Variants in ATXN10 observed in about 807,000 individuals in gnomAD.
ATXN10 encodes the protein ataxin-10.
ATXN10 carries 28 observed loss-of-function variants against 52.9 expected under a neutral mutation model. The ratio of observed to expected loss-of-function variants is 0.53; its 90% CI spans 0.39 to 0.73. The LOEUF (loss-of-function observed/expected upper bound fraction) is 0.73, where lower values mean the gene tolerates loss of function less well. Ranked by LOEUF, ATXN10 falls within the 30% of genes least tolerant of loss-of-function variation. The pLI, the probability that ATXN10 is intolerant of heterozygous loss-of-function variation, is 0.00. For missense variants in ATXN10, 565 were observed against 577.0 expected, an observed-to-expected ratio of 0.98 and a Z score of 0.21; for synonymous variants, 226 against 221.5, an observed-to-expected ratio of 1.02 and a Z score of -0.18.
rs1475372569 is a variant in ATXN10, at chr22:45,763,584, G to GC, written c.1173+23052dup. ...CCTGTTAAAAGTCGGACCCCACCACGCCCCCCACCTCTCTGTCCCTGCTCT... is the reference window on the plus strand; with the variant it reads ...CCTGTTAAAAGTCGGACCCCACCACGCCCCCCCACCTCTCTGTCCCTGCTCT... On this transcript the variant is annotated intron_variant, in intron 9 of 11. Transcript: ENST00000252934. The surrounding 1 kb of genome is among the most constrained non-coding windows in gnomAD (Gnocchi z 6.9). Among the ~76,000 whole-genome samples the GC allele has an allele frequency of 6.6e-6, 1 of 151,814 alleles. No homozygotes were observed. The highest frequency in any genetic ancestry group is 1.5e-5 in the Non-Finnish European group (1 of 67,948).
At chr22:45,673,114 G>A (rs992514050) in intron 1 of ATXN10, 8 of 152,158 alleles carry the variant, frequency 5.3e-5, no homozygotes, top group Admixed American at 3.9e-4. Context: ...TAAATCCTTA[G>A]GACATACCTG....
chr22:45,803,279 C>T (rs1264627845), intron 9 of ATXN10, among the ~76,000 whole-genome samples: 3 of 152,204 alleles, frequency 2.0e-5, no homozygotes, highest in African/African-American at 2.4e-5. Flanking sequence ...ATCCCTATGC[C>T]GCACTGCCTC....
chr22:45,758,203 G>A (rs578247869), intron 9 of ATXN10, among the ~76,000 whole-genome samples: 5 of 152,244 alleles, frequency 3.3e-5, no homozygotes, highest in Non-Finnish European at 5.9e-5. Flanking sequence ...CGTGTCCCTC[G>A]GCTGTGGAGC....
chr22:45,830,072 G>A (rs1021100346), intron 10 of ATXN10, among the ~76,000 whole-genome samples: 1 of 152,200 alleles, frequency 6.6e-6, no homozygotes, highest in African/African-American at 2.4e-5. Flanking sequence ...CTCCACAAAT[G>A]TAGTCAAATG....
chr22:45,706,648 T>C (rs181624641), intron 5 of ATXN10, among the ~76,000 whole-genome samples: 42 of 152,400 alleles, frequency 2.8e-4, no homozygotes, highest in Non-Finnish European at 4.7e-4. Flanking sequence ...CCAATTTCCT[T>C]TGTGACCTAT....
intron 9 of ATXN10, among the ~76,000 whole-genome samples, chr22:45,761,539 G>A (rs1601630130): frequency 6.6e-6 from 1 of 152,216 alleles, no homozygotes; most frequent in Non-Finnish European, 1.5e-5. Context: ...AAGACTAGGT[G>A]ATAACTGGTT....
At chr22:45,811,121 T>C (rs1169225462) in intron 10 of ATXN10, among the ~76,000 whole-genome samples, 1 of 152,218 alleles carries the variant, frequency 6.6e-6, no homozygotes, top group East Asian at 1.9e-4. Flanking sequence ...TGTCAACCTT[T>C]GATTATGGAT....
rs5845725 is a variant in ATXN10, at chr22:45,684,137, G to GTTT, written c.117-5563_117-5561dup. Among the ~76,000 whole-genome samples, 1 of 137,362 alleles carries GTTT rather than the reference G, an allele frequency of 7.3e-6. No individual in the cohort carries two copies. Among genetic ancestry groups the GTTT allele is most frequent in the East Asian group, 2.1e-4 (1 of 4,818 alleles). 90.1% of individuals were successfully genotyped at this position (137,362 alleles called of 152,430 possible). Reference sequence around the variant, plus strand: ...CCAGCTAATTAAAACAAGTTTTTTTGTTTTTTTTTTTTTTGTAGAGATAGG... The same window carrying GTTT: ...CCAGCTAATTAAAACAAGTTTTTTTGTTTTTTTTTTTTTTTTTGTAGAGATAGG... On this transcript the variant is annotated intron_variant, in intron 1 of 11. Transcript: ENST00000252934. This position sits in a 1 kb window ranked among gnomAD's most constrained non-coding sequence, Gnocchi z 4.1.
intron 10 of ATXN10, among the ~76,000 whole-genome samples, chr22:45,821,320 T>C (rs1815851535): frequency 7.1e-6 from 1 of 141,016 alleles, no homozygotes; most frequent in South Asian, 2.4e-4. Context: ...GAGAGCAGCC[T>C]GGGCAACTTA....
Position 45,843,839 on chromosome 22 carries a change from C to T in ATXN10, c.*168C>T. 1 of 665,590 alleles carries T rather than the reference C, an allele frequency of 1.5e-6. No individual in the cohort carries two copies. The highest frequency in any genetic ancestry group is 2.7e-5 in the East Asian group (1 of 36,662). 41.2% of individuals were successfully genotyped at this position (665,590 alleles called of 1,614,324 possible). A position where few individuals can be genotyped will look rare whatever the true frequency, so the allele number is the denominator to read the frequency against. The stretch of plus-strand genomic sequence containing the variant: ...GTGTATAAGCTAAAAGTGAAAGTAA[C>T]TGAGTGTTCTCTTGTTTCTTTGCAT... On this transcript the variant is annotated 3_prime_UTR_variant, in exon 12 of 12. Transcript: ENST00000252934. This position sits in a 1 kb window ranked among gnomAD's most constrained non-coding sequence, Gnocchi z 4.5.
intron 10 of ATXN10, among the ~76,000 whole-genome samples, chr22:45,836,602 T>G (rs1929174631): frequency 6.6e-6 from 1 of 152,144 alleles, no homozygotes; most frequent in African/African-American, 2.4e-5. Flanking sequence ...CCAAGGTCAA[T>G]GAGGACTCCC....
intron 10 of ATXN10, among the ~76,000 whole-genome samples, chr22:45,822,521 CAAT>C (rs1928682517): frequency 6.9e-6 from 1 of 145,940 alleles, no homozygotes; most frequent in South Asian, 2.1e-4. Context: ...TGAATTTCTC[CAAT>C]TTTTTTTTTT....
Position 45,833,846 on chromosome 22 carries a change from A to C in ATXN10, c.1238-9145A>C, listed in dbSNP as rs771530543. Among the ~76,000 whole-genome samples the C allele has an allele frequency of 6.6e-6, 1 of 152,166 alleles. No individual in the cohort carries two copies. Among genetic ancestry groups the C allele is most frequent in the East Asian group, 1.9e-4 (1 of 5,190 alleles). ...CTCTGGATGGACTGGTCGCGAGAGC[A>C]CACTTAGCAGCGATACGGCATCGCG... On this transcript the variant is annotated intron_variant, in intron 10 of 11. Coordinates refer to ENST00000252934, the MANE Select transcript of ATXN10 (RefSeq NM_013236.4). The surrounding 1 kb of genome is among the most constrained non-coding windows in gnomAD (Gnocchi z 4.3).
intron 9 of ATXN10, among the ~76,000 whole-genome samples, chr22:45,798,678 A>G (rs1213690184): frequency 1.3e-5 from 2 of 152,222 alleles, no homozygotes; most frequent in Admixed American, 6.5e-5. Flanking sequence ...AGAGCAACTC[A>G]CTAAGCCAAG....
intron 10 of ATXN10, among the ~76,000 whole-genome samples, chr22:45,827,501 G>A (rs1275808518): frequency 1.3e-5 from 2 of 152,136 alleles, no homozygotes; most frequent in Non-Finnish European, 2.9e-5. Context: ...GAGAGCAGAC[G>A]TGACTAATAT....
At chr22:45,807,163 C>T (rs1928128102) in intron 10 of ATXN10, 141 bp downstream of exon 10, 2 of 759,006 alleles carry the variant, frequency 2.6e-6, no homozygotes, top group East Asian at 2.6e-5. Context: ...AAATCATTTT[C>T]TCAGAGTTAT....
rs1922752998 is a variant in ATXN10, at chr22:45,677,610, T to C, written c.116+5431T>C. The C allele has an allele frequency of 6.6e-6, 1 of 151,790 alleles. No homozygotes were observed. The highest frequency in any genetic ancestry group is 1.5e-5 in the Non-Finnish European group (1 of 68,004). The allele number at this position is 151,790 out of a possible 1,614,324, so 9.4% of individuals were successfully genotyped here. ...TGTTTCAGAATATATGAAGTACTCC[T>C]ACCTACAACTCAATAAAAAAGACTC... On this transcript the variant is annotated intron_variant, in intron 1 of 11. Transcript: ENST00000252934. This position sits in a 1 kb window ranked among gnomAD's most constrained non-coding sequence, Gnocchi z 4.1.
chr22:45,797,960 AAC>A (rs914365324), intron 9 of ATXN10, among the ~76,000 whole-genome samples: 23 of 152,254 alleles, frequency 1.5e-4, no homozygotes, highest in African/African-American at 5.3e-4. Context: ...AGATGATATG[AAC>A]AGTTTTCTTG....
In ATXN10 at chr22:45,772,346, T is replaced by G. The variant is rs1380829670; in HGVS notation, c.1173+31808T>G. 6.6e-6 allele frequency among the ~76,000 whole-genome samples: 1 copy of G among 152,240 alleles called. No homozygotes were observed. Among genetic ancestry groups the G allele is most frequent in the African/African-American group, 2.4e-5 (1 of 41,462 alleles). On this transcript the variant is annotated intron_variant, in intron 9 of 11. Coordinates refer to ENST00000252934, the MANE Select transcript of ATXN10 (RefSeq NM_013236.4). The surrounding 1 kb of genome is among the most constrained non-coding windows in gnomAD (Gnocchi z 4.1). ...AAAAAGACTATCCTTTTTTGTTCAT[T>G]GAATTGCTTTTGCACCTTTGTCAAA...
Sources: gnomAD v4.1 joint callset for allele counts (sites outside exome capture counted in the v4.1 genomes callset) on GRCh38, gnomAD v4.1.1 for gene constraint, Gnocchi (gnomAD v3.1) non-coding constraint, MANE v1.5 for transcripts, NCBI Gene and HGNC (gene_info 2026-07-23, HGNC 2026-07-21) for gene names.